The following RBFOX1 variants were observed in gnomAD, a reference collection of about 807,000 sequenced individuals.
RBFOX1 encodes RNA binding fox-1 homolog 1.
A neutral mutation model predicts 57.7 loss-of-function variants in RBFOX1; 8 were observed. The ratio of observed to expected loss-of-function variants is 0.14; its 90% confidence interval spans 0.08 to 0.25. The LOEUF (loss-of-function observed/expected upper bound fraction) is 0.25, where lower values mean the gene tolerates loss of function less well. Among genes scored for constraint, RBFOX1 ranks in the 10% least tolerant of loss-of-function variants. RBFOX1 has a pLI of 1.00. For synonymous variants in RBFOX1, 326 were observed against 222.4 expected, an observed-to-expected ratio of 1.47 and a Z score of -4.15; for missense variants, 611 against 548.5, an observed-to-expected ratio of 1.11 and a Z score of -1.14.
At chr16:7,395,955 A>G (rs1597375089) in intron 4 of RBFOX1, among the ~76,000 whole-genome samples, 1 of 152,290 alleles carries the variant, frequency 6.6e-6, no homozygotes, top group South Asian at 2.1e-4. Context: ...ACCTAAATTA[A>G]GATAATTATG....
intron 1 of RBFOX1, among the ~76,000 whole-genome samples, chr16:6,236,036 G>C (rs1341825239): frequency 1.3e-5 from 2 of 152,264 alleles, no homozygotes; most frequent in East Asian, 3.9e-4. Flanking sequence ...AAGTAGGAAA[G>C]AATGACACTG....
chr16:6,574,868 C>G (rs2097404263), intron 2 of RBFOX1, among the ~76,000 whole-genome samples: 2 of 151,048 alleles, frequency 1.3e-5, no homozygotes, highest in African/African-American at 4.9e-5. Context: ...GAAACCCCGT[C>G]TCTACTAAAA....
At chr16:5,315,087 C>T (rs2064198897) in intron 1 of RBFOX1, among the ~76,000 whole-genome samples, 1 of 152,030 alleles carries the variant, frequency 6.6e-6, no homozygotes, top group Non-Finnish European at 1.5e-5. Context: ...TATTTTAGTT[C>T]TGGAGCCTTA....
At chr16:6,619,020 G>C (rs182555172) in intron 2 of RBFOX1, among the ~76,000 whole-genome samples, 1 of 152,164 alleles carries the variant, frequency 6.6e-6, no homozygotes, top group Admixed American at 6.6e-5. Context: ...GAACTTAATC[G>C]TTTCCCAGGG....
In RBFOX1 at chr16:7,059,426, C is replaced by G. The variant is rs9927991; in HGVS notation, c.27+7328C>G. On this transcript the variant is annotated intron_variant, in intron 4 of 15. Transcript: ENST00000550418. ...TTTTGAGCAGAAACCGTATGCCAAT[C>G]ACTGTGCTAGGCAGTAGAGGTATAA... 4.1e-3 allele frequency among the ~76,000 whole-genome samples: 624 copies of G among 152,256 alleles called. 6 individuals carry two copies. Among genetic ancestry groups the G allele is most frequent in the African/African-American group, 0.014 (595 of 41,538 alleles).
At chr16:6,574,863 C>T (rs1044074420) in intron 2 of RBFOX1, among the ~76,000 whole-genome samples, 6 of 150,882 alleles carry the variant, frequency 4.0e-5, no homozygotes, top group African/African-American at 1.5e-4. Flanking sequence ...ACGGTGAAAC[C>T]CCGTCTCTAC....
chr16:7,152,339 G>C (rs1341058573), intron 4 of RBFOX1, among the ~76,000 whole-genome samples: 1 of 152,094 alleles, frequency 6.6e-6, no homozygotes, highest in Non-Finnish European at 1.5e-5. Context: ...AGGGATAATG[G>C]ACAAAAATTA....
intron 3 of RBFOX1, among the ~76,000 whole-genome samples, chr16:6,783,601 T>C (rs184024741): frequency 3.3e-5 from 5 of 152,236 alleles, no homozygotes; most frequent in Admixed American, 3.3e-4. Flanking sequence ...TTACTGTCTT[T>C]CAACAAATTG....
chr16:7,664,986 T>A lies in RBFOX1; in HGVS notation c.930+18T>A. ...ACATTTATGTAAGTATTCATTCACG[T>A]GCATGCCATCCCCGTTTCCTCCTGG... On this transcript the variant is annotated intron_variant, in intron 13 of 15. Coordinates refer to ENST00000550418, the MANE Select transcript of RBFOX1 (RefSeq NM_018723.4). 3.1e-6 allele frequency: 5 copies of A among 1,613,936 alleles called. No homozygotes were observed. The highest frequency in any genetic ancestry group is 4.2e-6 in the Non-Finnish European group (5 of 1,179,830).
intron 1 of RBFOX1, among the ~76,000 whole-genome samples, chr16:6,134,942 C>A (rs533803964): frequency 6.6e-6 from 1 of 152,104 alleles, no homozygotes; most frequent in Admixed American, 6.5e-5. Context: ...TGTGCTGCAC[C>A]CATTAACTCA....
In RBFOX1 at chr16:7,355,171, T is replaced by C. The variant is rs544061080; in HGVS notation, c.28-162976T>C. ...TGTCAATTGCTGAAGTCCCAGGGCA[T>C]TGGGAGGCCTGGATTTGAATCCCCA... On this transcript the variant is annotated intron_variant, in intron 4 of 15. Transcript: ENST00000550418. Among the ~76,000 whole-genome samples the C allele has an allele frequency of 5.9e-5, 9 of 152,282 alleles. No homozygotes were observed. In the South Asian group the frequency reaches 8.3e-4, roughly 14 times the overall value.
intron 4 of RBFOX1, among the ~76,000 whole-genome samples, chr16:5,984,442 C>A (rs191345691): frequency 1.3e-5 from 2 of 151,566 alleles, no homozygotes; most frequent in Admixed American, 1.3e-4. Context: ...ATTAATTTAC[C>A]AAATTATTAT....
At chr16:5,602,602 T>C (rs2047402327), downstream of RBFOX1, among the ~76,000 whole-genome samples, 1 of 152,354 alleles carries the variant, frequency 6.6e-6, no homozygotes, top group African/African-American at 2.4e-5. Context: ...GATCTCCCTT[T>C]CTCTGAGTGC....
chr16:7,215,579 T>C (rs1311381803), intron 4 of RBFOX1, among the ~76,000 whole-genome samples: 1 of 152,162 alleles, frequency 6.6e-6, no homozygotes, highest in East Asian at 1.9e-4. Flanking sequence ...ATTTACTGAG[T>C]TGTACAGCCA....
At chr16:6,514,897 G>GA (rs892173564) in intron 2 of RBFOX1, among the ~76,000 whole-genome samples, 1 of 151,840 alleles carries the variant, frequency 6.6e-6, no homozygotes, top group Non-Finnish European at 1.5e-5. Flanking sequence ...GGGAGGAGGA[G>GA]AAAAAAGAGG....
chr16:7,032,646 C>T (rs1016364547), intron 3 of RBFOX1, among the ~76,000 whole-genome samples: 1 of 151,906 alleles, frequency 6.6e-6, no homozygotes, highest in East Asian at 1.9e-4. Context: ...AAGCTAATTG[C>T]TTGATGGAAT....
chr16:6,194,640 C>T (rs1269001437), intron 1 of RBFOX1, among the ~76,000 whole-genome samples: 1 of 152,196 alleles, frequency 6.6e-6, no homozygotes, highest in Non-Finnish European at 1.5e-5. Flanking sequence ...AGCCTTCCTC[C>T]AGGCATTCTT....
At chr16:6,870,521 G>A (rs2060684614) in intron 3 of RBFOX1, among the ~76,000 whole-genome samples, 2 of 152,154 alleles carry the variant, frequency 1.3e-5, no homozygotes. Context: ...ATGAATAATT[G>A]CTAGTGGAAC....
At chr16:6,587,671 G>T (rs4315332) in intron 2 of RBFOX1, among the ~76,000 whole-genome samples, 147,591 of 152,256 alleles carry the variant, frequency 0.97, 71,701 homozygotes, top group East Asian at 1. Flanking sequence ...TACTAGGGTA[G>T]AGGTTTTTAG....
Sources: allele counts gnomAD v4.1 joint callset (sites outside exome capture counted in the v4.1 genomes callset), GRCh38; gene constraint gnomAD v4.1.1; transcripts MANE v1.5; gene names NCBI Gene and HGNC (gene_info 2026-07-23, HGNC 2026-07-21).